Variants in APBB2 observed in about 807,000 individuals in gnomAD.
The protein encoded by APBB2 is amyloid beta precursor protein binding family B member 2.
In APBB2, 38 loss-of-function variants were observed where a neutral mutation model predicts 82.5. The observed-to-expected ratio is 0.46, with a 90% CI of 0.36 to 0.60. The LOEUF (loss-of-function observed/expected upper bound fraction) is 0.60, where lower values mean the gene tolerates loss of function less well. APBB2 is among the 20% of genes least tolerant of loss of function. The probability of loss-of-function intolerance (pLI) is 0.00; values close to 1 mark genes in which losing one functional copy is unlikely to be tolerated. For synonymous variants in APBB2, 341 were observed against 368.2 expected (o/e 0.93, Z 0.85); for missense variants, 772 against 972.3 (o/e 0.79, Z 2.74).
intron 12 of APBB2, among the ~76,000 whole-genome samples, chr4:40,874,501 A>G (rs1766343375): frequency 6.6e-6 from 1 of 150,734 alleles, no homozygotes; most frequent in Non-Finnish European, 1.5e-5. Context: ...GAGAAGGCAC[A>G]GGAGGCGGGG....
chr4:40,810,175 A>G lies in APBB2; in HGVS notation c.*5917T>C, dbSNP rs1744131754. ...AGGTCTACTTCAGCTCTGATATTCT[A>G]TTTTTACTTTCTTACTTGAAGTGAG... On this transcript the variant is annotated 3_prime_UTR_variant, in exon 18 of 18. Transcript: ENST00000508593. The G allele has an allele frequency of 6.6e-6, 1 of 152,100 alleles. No individual in the cohort carries two copies. Among genetic ancestry groups the G allele is most frequent in the South Asian group, 2.1e-4 (1 of 4,828 alleles). 9.4% of individuals were successfully genotyped at this position (152,100 alleles called of 1,614,324 possible). A position where few individuals can be genotyped will look rare whatever the true frequency, so the allele number is the denominator to read the frequency against.
At chr4:40,887,363 A>C (rs561690408) in intron 12 of APBB2, among the ~76,000 whole-genome samples, 2 of 152,338 alleles carry the variant, frequency 1.3e-5, no homozygotes, top group African/African-American at 4.8e-5. Flanking sequence ...CACTTCTCTT[A>C]TTCATTTTAA....
intron 3 of APBB2, among the ~76,000 whole-genome samples, chr4:41,094,918 G>T (rs897113009): frequency 5.3e-5 from 8 of 152,132 alleles, no homozygotes; most frequent in Non-Finnish European, 1.2e-4. Context: ...TAAGCAAGGT[G>T]CTACGAAAGA....
chr4:40,879,178 G>A (rs1305307583), intron 12 of APBB2, among the ~76,000 whole-genome samples: 2 of 151,446 alleles, frequency 1.3e-5, no homozygotes, highest in Non-Finnish European at 3.0e-5. Flanking sequence ...TATCTTAAGA[G>A]AGAGCAGTGT....
chr4:41,102,005 C>A (rs1362458981), intron 2 of APBB2, among the ~76,000 whole-genome samples: 1 of 151,050 alleles, frequency 6.6e-6, no homozygotes, highest in African/African-American at 2.4e-5. Context: ...ACTTCCCCAA[C>A]AATCGTGCAA....
chr4:40,937,656 G>A (rs906452671), intron 7 of APBB2, among the ~76,000 whole-genome samples: 2 of 152,142 alleles, frequency 1.3e-5, no homozygotes, highest in Non-Finnish European at 2.9e-5. Context: ...TTATGACTGG[G>A]CCAAAGATCT....
intron 2 of APBB2, among the ~76,000 whole-genome samples, chr4:41,105,580 C>A (rs1447596285): frequency 2.0e-5 from 3 of 152,104 alleles, no homozygotes; most frequent in African/African-American, 7.2e-5. Flanking sequence ...CGCATATGCA[C>A]CTTTAATAAT....
In APBB2 at chr4:40,862,235, C is replaced by T. The variant is rs934104396; in HGVS notation, c.1529+28129G>A. Among the ~76,000 whole-genome samples the T allele has an allele frequency of 2.6e-5, 4 of 152,182 alleles. No individual in the cohort carries two copies. The South Asian group carries it at 6.2e-4, about 24-fold the overall frequency. ...CACAGGACTGTTAGGACAATGTTCA[C>T]GCTATTAACTCATTATAGAACAAAG... On this transcript the variant is annotated intron_variant, in intron 12 of 17. Coordinates refer to ENST00000508593, the MANE Select transcript of APBB2 (RefSeq NM_004307.2).
chr4:40,949,152 C>G (rs1011034495), intron 6 of APBB2, among the ~76,000 whole-genome samples: 3 of 152,012 alleles, frequency 2.0e-5, no homozygotes, highest in African/African-American at 7.3e-5. Context: ...CACCTGTGAT[C>G]CCAGCTACTC....
At chr4:41,213,060 A>T (rs575290026) in intron 1 of APBB2, among the ~76,000 whole-genome samples, 2 of 151,298 alleles carry the variant, frequency 1.3e-5, no homozygotes, top group East Asian at 2.0e-4. Context: ...TGGGGACAAG[A>T]TTTTAAATCT....
chr4:41,170,782 T>C (rs1255161033), intron 1 of APBB2, among the ~76,000 whole-genome samples: 1 of 152,206 alleles, frequency 6.6e-6, no homozygotes, highest in Non-Finnish European at 1.5e-5. Context: ...AATGATTATA[T>C]AAGATATTAA....
intron 1 of APBB2, among the ~76,000 whole-genome samples, chr4:41,171,902 G>C: frequency 6.6e-6 from 1 of 152,088 alleles, no homozygotes. Flanking sequence ...TTTGAGACCA[G>C]CCTGGCCAAT....
intron 7 of APBB2, among the ~76,000 whole-genome samples, chr4:40,941,468 G>T (rs552781845): frequency 6.6e-6 from 1 of 152,190 alleles, no homozygotes; most frequent in Non-Finnish European, 1.5e-5. Flanking sequence ...GAAGTTCGGG[G>T]TGGAAATAGG....
At chr4:40,911,013 TC>T (rs1778389866) in intron 10 of APBB2, among the ~76,000 whole-genome samples, 1 of 152,250 alleles carries the variant, frequency 6.6e-6, no homozygotes, top group African/African-American at 2.4e-5. Flanking sequence ...GAATCTCAGC[TC>T]CCTACTTAAT....
At chr4:40,988,201 C>T (rs1445242770) in intron 6 of APBB2, among the ~76,000 whole-genome samples, 1 of 152,248 alleles carries the variant, frequency 6.6e-6, no homozygotes, top group Non-Finnish European at 1.5e-5. Flanking sequence ...ACAATCCCAA[C>T]AGCACCAGAT....
chr4:41,006,014 T>C (rs1806604322), intron 6 of APBB2, among the ~76,000 whole-genome samples: 1 of 152,206 alleles, frequency 6.6e-6, no homozygotes, highest in Non-Finnish European at 1.5e-5. Flanking sequence ...ATTGTTAGAC[T>C]CTGGCTGCCA....
chr4:40,922,532 T>C (rs1458673201), intron 10 of APBB2, among the ~76,000 whole-genome samples: 1 of 152,332 alleles, frequency 6.6e-6, no homozygotes, highest in South Asian at 2.1e-4. Context: ...GGCCTCACAA[T>C]TGGATGAGAT....
At chr4:40,822,105 AG>A (rs1748178334) in intron 16 of APBB2, 55 bp from the exon 17 acceptor site, 1 of 1,594,624 alleles carries the variant, frequency 6.3e-7, no homozygotes, top group African/African-American at 1.3e-5. Flanking sequence ...CAAGCTTAAG[AG>A]TGGCAGCACA....
At chr4:40,884,693 T>C (rs1769696834) in intron 12 of APBB2, among the ~76,000 whole-genome samples, 1 of 151,220 alleles carries the variant, frequency 6.6e-6, no homozygotes, top group African/African-American at 2.5e-5. Flanking sequence ...AGCCCAGGAA[T>C]TTGGAGGCTG....
Sources: allele counts gnomAD v4.1 joint callset (sites outside exome capture counted in the v4.1 genomes callset), GRCh38; gene constraint gnomAD v4.1.1; transcripts MANE v1.5; gene names NCBI Gene and HGNC (gene_info 2026-07-23, HGNC 2026-07-21).